ERC2: variants seen among roughly 807,000 people sequenced by gnomAD.
The protein encoded by ERC2 is ELKS/RAB6-interacting/CAST family member 2.
A neutral mutation model predicts 114.8 loss-of-function variants in ERC2; 42 were observed. The observed-to-expected ratio is 0.37, with a 90% confidence interval of 0.29 to 0.47. The LOEUF is 0.47. Among genes scored for constraint, ERC2 ranks in the 20% least tolerant of loss-of-function variants. The pLI, the probability that ERC2 is intolerant of heterozygous loss-of-function variation, is 0.99. For missense variants in ERC2, 939 were observed against 1,150.7 expected (o/e 0.82, Z 2.66); for synonymous variants, 454 against 425.5 (o/e 1.07, Z -0.82).
rs1047696145 is a variant in ERC2, at chr3:55,569,504, CTTT to C, written c.*40-58231_*40-58229del. Among the ~76,000 whole-genome samples the C allele has an allele frequency of 4.5e-4, 69 of 152,308 alleles. 1 individual carries two copies. The highest frequency in any genetic ancestry group is 1.6e-3 in the African/African-American group (66 of 41,574). ...GAGCCAGACGTGTGGAAATATTTCT[CTTT>C]GAGGATATTCTTTGTACCAATTACT... On this transcript the variant is annotated intron_variant, in intron 17 of 17. Coordinates refer to ENST00000288221, the MANE Select transcript of ERC2 (RefSeq NM_015576.3).
At chr3:56,181,559 T>C (rs1157883311) in intron 3 of ERC2, among the ~76,000 whole-genome samples, 1 of 152,176 alleles carries the variant, frequency 6.6e-6, no homozygotes, top group Admixed American at 6.5e-5. Context: ...TACTAGCCAA[T>C]CTCAGGAAAA....
At chr3:56,403,305 C>A (rs1310085332) in intron 2 of ERC2, among the ~76,000 whole-genome samples, 1 of 152,166 alleles carries the variant, frequency 6.6e-6, no homozygotes, top group Non-Finnish European at 1.5e-5. Context: ...TCAGTTGTAT[C>A]CTCTAGAATT....
At chr3:55,619,881 A>G (rs929316859) in intron 17 of ERC2, among the ~76,000 whole-genome samples, 1 of 152,218 alleles carries the variant, frequency 6.6e-6, no homozygotes, top group African/African-American at 2.4e-5. Flanking sequence ...AGATCAGGTT[A>G]ATCTAGGATA....
At chr3:56,127,850 G>A (rs112173238) in intron 6 of ERC2, among the ~76,000 whole-genome samples, 1,529 of 151,966 alleles carry the variant, frequency 0.01, 30 homozygotes, top group African/African-American at 0.035. Flanking sequence ...ACAAAGATAC[G>A]AAGTATACAC....
rs1210034908 is a variant in ERC2, at chr3:55,523,099, A to C, written c.*40-11823T>G. On this transcript the variant is annotated intron_variant, in intron 17 of 17. Coordinates refer to ENST00000288221, the MANE Select transcript of ERC2 (RefSeq NM_015576.3). ...AAATGCCTTTGGGCAGACCTGGGCC[A>C]GAGACCAAGGGACTGGGGCATGACA... Among the ~76,000 whole-genome samples, 3 of 152,346 alleles carry C rather than the reference A, an allele frequency of 2.0e-5. No homozygotes were observed. In the East Asian group the frequency reaches 5.8e-4, roughly 29 times the overall value.
intron 17 of ERC2, among the ~76,000 whole-genome samples, chr3:55,571,339 G>A (rs1229567192): frequency 6.6e-6 from 1 of 152,032 alleles, no homozygotes; most frequent in African/African-American, 2.4e-5. Context: ...CTAACTCCTA[G>A]AGATAGTAAA....
chr3:56,349,333 T>C (rs770284332), intron 2 of ERC2, among the ~76,000 whole-genome samples: 12 of 152,100 alleles, frequency 7.9e-5, no homozygotes, highest in Non-Finnish European at 1.3e-4. Flanking sequence ...AAGTGAACCA[T>C]TGGCTACAAA....
intron 17 of ERC2, among the ~76,000 whole-genome samples, chr3:55,602,301 C>A (rs1039496516): frequency 6.6e-6 from 1 of 152,144 alleles, no homozygotes; most frequent in Non-Finnish European, 1.5e-5. Flanking sequence ...TGGGAAGATT[C>A]CTGAAGATGC....
At chr3:56,000,029 A>G (rs1184356153) in intron 10 of ERC2, among the ~76,000 whole-genome samples, 1 of 151,938 alleles carries the variant, frequency 6.6e-6, no homozygotes, top group Non-Finnish European at 1.5e-5. Flanking sequence ...AGAGACATCA[A>G]TAAAACTGAA....
At chr3:55,757,479 T>C (rs2067135881) in intron 14 of ERC2, among the ~76,000 whole-genome samples, 1 of 152,156 alleles carries the variant, frequency 6.6e-6, no homozygotes, top group Admixed American at 6.6e-5. Flanking sequence ...GGTGGACCCC[T>C]GTGAAACTGC....
At chr3:55,621,234 G>T (rs888887881) in intron 17 of ERC2, among the ~76,000 whole-genome samples, 1 of 151,826 alleles carries the variant, frequency 6.6e-6, no homozygotes, top group Non-Finnish European at 1.5e-5. Flanking sequence ...AACACCTCTT[G>T]AGACACTACT....
At chr3:56,022,975 C>A (rs1576596948) in intron 7 of ERC2, among the ~76,000 whole-genome samples, 1 of 152,140 alleles carries the variant, frequency 6.6e-6, no homozygotes, top group South Asian at 2.1e-4. Flanking sequence ...AGAGCTCAGA[C>A]CCTGGAGGTC....
intron 4 of ERC2, among the ~76,000 whole-genome samples, chr3:56,170,911 C>T (rs552469540): frequency 2.0e-5 from 3 of 151,938 alleles, no homozygotes; most frequent in African/African-American, 7.2e-5. Context: ...ACTACAGGCG[C>T]GTGCCACCAC....
chr3:56,115,851 C>G (rs2079200431), intron 6 of ERC2, among the ~76,000 whole-genome samples: 1 of 152,126 alleles, frequency 6.6e-6, no homozygotes, highest in African/African-American at 2.4e-5. Context: ...CCTCACCCTA[C>G]CACCTCCTGC....
chr3:55,698,874 T>C (rs1044295470), intron 16 of ERC2, among the ~76,000 whole-genome samples: 1 of 152,164 alleles, frequency 6.6e-6, no homozygotes, highest in African/African-American at 2.4e-5. Flanking sequence ...AGGGAGGAGA[T>C]AGGGTCCAAA....
intron 14 of ERC2, among the ~76,000 whole-genome samples, chr3:55,759,399 C>A (rs914171074): frequency 1.5e-5 from 2 of 133,034 alleles, no homozygotes; most frequent in Non-Finnish European, 3.1e-5. Context: ...AAGAAGTGTT[C>A]GCTATTGTCT....
chr3:56,205,477 G>A (rs116315937), intron 3 of ERC2, among the ~76,000 whole-genome samples: 3,297 of 152,200 alleles, frequency 0.022, 43 homozygotes, highest in Middle Eastern at 0.048. Context: ...CTCTTGCCCC[G>A]TAACAAGACC....
At chr3:56,183,700 C>T (rs569343077) in intron 3 of ERC2, among the ~76,000 whole-genome samples, 20 of 152,202 alleles carry the variant, frequency 1.3e-4, no homozygotes, top group African/African-American at 2.2e-4. Context: ...CCTGCCTTCA[C>T]GGAGCTTATG....
intron 3 of ERC2, among the ~76,000 whole-genome samples, chr3:56,266,713 C>T (rs959697664): frequency 1.3e-5 from 2 of 152,140 alleles, no homozygotes; most frequent in Non-Finnish European, 2.9e-5. Flanking sequence ...CTAGGCAACA[C>T]AGCAAGACCT....
Sources: allele counts gnomAD v4.1 joint callset (sites outside exome capture counted in the v4.1 genomes callset), GRCh38; gene constraint gnomAD v4.1.1; transcripts MANE v1.5; gene names NCBI Gene and HGNC (gene_info 2026-07-23, HGNC 2026-07-21).